MLLT6: variants seen among roughly 807,000 people sequenced by gnomAD.
MLLT6 encodes the protein protein AF-17.
Under a neutral mutation model 103.0 loss-of-function variants are expected in MLLT6, and 22 were observed. The observed-to-expected ratio is 0.21, with a 90% CI of 0.15 to 0.31. The LOEUF is 0.31. MLLT6 is among the 10% of genes least tolerant of loss of function. MLLT6 has a pLI of 1.00. For synonymous variants in MLLT6, 606 were observed against 623.5 expected, an observed-to-expected ratio of 0.97 and a Z score of 0.42; for missense variants, 1,199 against 1,441.7, an observed-to-expected ratio of 0.83 and a Z score of 2.73.
At chr17:38,712,583 A>T in intron 7 of MLLT6, 108 bp from the exon 8 acceptor site, 1 of 741,894 alleles carries the variant, frequency 1.3e-6, no homozygotes, top group Non-Finnish European at 2.4e-6. Context: ...GATGGTGCCC[A>T]CAAAACCCCA....
Position 38,709,166 on chromosome 17 carries a change from C to T in MLLT6, c.355-7C>T, listed in dbSNP as rs1361898541. 2 of 1,608,840 alleles carry T rather than the reference C, an allele frequency of 1.2e-6. No homozygotes were observed. Among genetic ancestry groups the T allele is most frequent in the African/African-American group, 2.7e-5 (2 of 74,746 alleles). ...GGAGGAGGGGACGATTGCGCTGTGT[C>T]CTGCAGACCTGTTACATCTGCGAGG... On this transcript the variant is annotated splice_polypyrimidine_tract_variant and splice_region_variant and intron_variant, in intron 4 of 19. Coordinates refer to ENST00000621332, the MANE Select transcript of MLLT6 (RefSeq NM_005937.4). The surrounding 1 kb of genome is among the most constrained non-coding windows in gnomAD (Gnocchi z 4.3).
rs1325286006 is a variant in MLLT6 at position 38,724,038 on chromosome 17, C to T, written c.2884-582C>T. 1.3e-5 allele frequency among the ~76,000 whole-genome samples: 2 copies of T among 152,012 alleles called. No homozygotes were observed. The highest frequency in any genetic ancestry group is 1.9e-4 in the East Asian group (1 of 5,172). ...GATTATAGGCGTGAGCCACCGTGTCCGGCGAATTGAAAACTATTGACCTAG... is the reference window on the plus strand; with the variant it reads ...GATTATAGGCGTGAGCCACCGTGTCTGGCGAATTGAAAACTATTGACCTAG... On this transcript the variant is annotated intron_variant, in intron 18 of 19. Coordinates refer to ENST00000621332, the MANE Select transcript of MLLT6 (RefSeq NM_005937.4). The surrounding 1 kb of genome is among the most constrained non-coding windows in gnomAD (Gnocchi z 5.4).
rs757361635 is a variant in MLLT6, at chr17:38,705,750, G to A, written c.109+9G>A. The stretch of plus-strand genomic sequence containing the variant: ...CGTGGCCGTCCACCAAGGTACGGGG[G>A]TGGCCCGCGGGGGGCGGCGGGACCC... On this transcript the variant is annotated intron_variant, in intron 1 of 19. Coordinates refer to ENST00000621332, the MANE Select transcript of MLLT6 (RefSeq NM_005937.4). 1.8e-5 allele frequency: 24 copies of A among 1,364,226 alleles called. No individual in the cohort carries two copies. In the South Asian group the frequency reaches 4.3e-4, roughly 24 times the overall value. The allele number at this position is 1,364,226 out of a possible 1,614,324, so 84.5% of individuals were successfully genotyped here. A position where few individuals can be genotyped will look rare whatever the true frequency, so the allele number is the denominator to read the frequency against.
rs1905927657 is a variant in MLLT6 at position 38,724,694 on chromosome 17, TG to T, written c.2963del (p.Gly988AlafsTer40). 1 of 1,613,008 alleles carries T rather than the reference TG, an allele frequency of 6.2e-7. No individual in the cohort carries two copies. Among genetic ancestry groups the T allele is most frequent in the African/African-American group, 1.3e-5 (1 of 74,942 alleles). On this transcript the variant is annotated frameshift_variant, in exon 19 of 20. Transcript: ENST00000621332. LOFTEE classifies it high-confidence loss of function. The surrounding 1 kb of genome is among the most constrained non-coding windows in gnomAD (Gnocchi z 5.4). Reference protein sequence around the residue: ...KRELQRLQMAGGSQLPMASLL... With the variant: ...KRELQRLQMAXGSQLPMASLL... ...GGGAGCTGCAGCGCCTGCAGATGGCTGGGGGCTCCCAGCTGCCCATGGCCAG... is the reference window on the plus strand; with the variant it reads ...GGGAGCTGCAGCGCCTGCAGATGGCTGGGGCTCCCAGCTGCCCATGGCCAG...
rs761526407 is a variant in MLLT6 at position 38,724,739 on chromosome 17, C to T, written c.3003C>T (p.Ser1001=). 38 of 1,610,908 alleles carry T rather than the reference C, an allele frequency of 2.4e-5. No homozygotes were observed. The Middle Eastern group carries it at 8.2e-4, about 35-fold the overall frequency. The change falls in exon 19 of 20, where the codon TCC becomes TCT. Residue 1001 remains serine, a synonymous_variant. Coordinates refer to ENST00000621332, the MANE Select transcript of MLLT6 (RefSeq NM_005937.4). This position sits in a 1 kb window ranked among gnomAD's most constrained non-coding sequence, Gnocchi z 5.4. The part of the protein sequence containing the change: ...LPMASLLAGS[S]TPLLSAGTPG... ...TGGCCAGCCTGCTGGCAGGAAGCTC[C>T]ACCCCGCTGCTGTCTGCGGGTACCC...
chr17:38,727,818 A>C lies in MLLT6; in HGVS notation c.*2220A>C, dbSNP rs1906116636. 4.3e-6 allele frequency: 1 copy of C among 232,042 alleles called. No individual in the cohort carries two copies. The highest frequency in any genetic ancestry group is 8.5e-6 in the Non-Finnish European group (1 of 117,296). 14.4% of individuals were successfully genotyped at this position (232,042 alleles called of 1,614,324 possible). A position where few individuals can be genotyped will look rare whatever the true frequency, so the allele number is the denominator to read the frequency against. On this transcript the variant is annotated 3_prime_UTR_variant, in exon 20 of 20. Transcript: ENST00000621332. The stretch of plus-strand genomic sequence containing the variant: ...TCAAAAGAGAAAAAAAAAGAAAAGT[A>C]ACCTTCAGAGATTCTTAGAAGAGTT...
intron 6 of MLLT6, among the ~76,000 whole-genome samples, chr17:38,711,555 G>T (rs1476965068): frequency 6.6e-6 from 1 of 152,084 alleles, no homozygotes; most frequent in East Asian, 1.9e-4. Context: ...AAAGACCCGG[G>T]CCCCAGTCTC....
Position 38,717,504 on chromosome 17 carries a change from T to C in MLLT6, c.1724T>C (p.Leu575Pro). The change falls in exon 11 of 20, where the codon CTC becomes CCC. Residue 575 changes from leucine (L) to proline (P), a missense_variant. This residue lies in a region of MLLT6 where 1,034 missense variants were observed against 1,091.5 expected (regional missense o/e 0.95). Transcript: ENST00000621332. The part of the protein sequence containing the change: ...GMLRAVCSTP[L>P]SSSLLGPPGT... ...CTGCGGGCTGTCTGCAGCACCCCTC[T>C]CTCCTCCAGCCTCCTGGGGCCCCCA... 6.2e-7 allele frequency: 1 copy of C among 1,613,178 alleles called. No individual in the cohort carries two copies.
At position 38,716,781 on chromosome 17, in the gene MLLT6, G is replaced by C; in HGVS notation, c.1451G>C (p.Ser484Thr). ...SRHGPGRPKG[S>T]RNKEGTGGPA... ...CATGGGCCAGGCCGTCCCAAGGGCA[G>C]CCGGAACAAGGAGGGCACTGGGGGC... The change falls in exon 10 of 20, where the codon AGC (serine) becomes ACC (threonine). Residue 484 changes from serine (S) to threonine (T), a missense_variant. By Grantham distance (58) the Ser-to-Thr change is moderately conservative. This residue lies in a region of MLLT6 where 1,034 missense variants were observed against 1,091.5 expected (regional missense o/e 0.95). Coordinates refer to ENST00000621332, the MANE Select transcript of MLLT6 (RefSeq NM_005937.4). The surrounding 1 kb of genome is among the most constrained non-coding windows in gnomAD (Gnocchi z 5.6). 6.2e-7 allele frequency: 1 copy of C among 1,610,450 alleles called. No homozygotes were observed. The highest frequency in any genetic ancestry group is 8.5e-7 in the Non-Finnish European group (1 of 1,178,454).
At position 38,706,999 on chromosome 17, in the gene MLLT6, A is replaced by G; in HGVS notation, c.159A>G (p.Lys53=). The change falls in exon 2 of 20, where the codon AAA becomes AAG. Residue 53 remains lysine, a synonymous_variant. Transcript: ENST00000621332. Reference sequence around the variant, plus strand: ...CAACGGGACCCTGGTTCTGCCGGAAATGTGAATCTCAGGAGCGAGCAGCCA... The same window carrying G: ...CAACGGGACCCTGGTTCTGCCGGAAGTGTGAATCTCAGGAGCGAGCAGCCA... ...QVPTGPWFCR[K]CESQERAARV... is the part of the protein sequence containing the mutation. 6.2e-7 allele frequency: 1 copy of G among 1,612,668 alleles called. No homozygotes were observed. The highest frequency in any genetic ancestry group is 1.1e-5 in the South Asian group (1 of 91,032).
At chr17:38,720,136 G>A (rs1271131798) in intron 14 of MLLT6, 9 of 696,842 alleles carry the variant, frequency 1.3e-5, no homozygotes, top group African/African-American at 1.3e-4. Context: ...CGCAACTTCC[G>A]CCCTTCTCTC....
At chr17:38,707,193 C>G (rs549537935) in intron 2 of MLLT6, among the ~76,000 whole-genome samples, 164 bp downstream of exon 2, 1 of 152,218 alleles carries the variant, frequency 6.6e-6, no homozygotes, top group African/African-American at 2.4e-5. Flanking sequence ...CTCTGCCTCA[C>G]GCTCATCCCT....
In MLLT6 at chr17:38,711,855, C is replaced by G; in HGVS notation, c.561C>G (p.Ser187=). The G allele has an allele frequency of 4.5e-6, 7 of 1,567,238 alleles. No individual in the cohort carries two copies. Among genetic ancestry groups the G allele is most frequent in the Non-Finnish European group, 6.1e-6 (7 of 1,156,682 alleles). The change falls in exon 7 of 20, where the codon TCC becomes TCG. Residue 187 remains serine (S), a synonymous_variant. Coordinates refer to ENST00000621332, the MANE Select transcript of MLLT6 (RefSeq NM_005937.4). The part of the protein sequence containing the change: ...CKYHFSKMKT[S]RHSSGGGGGG... ...TCAAATCTCTCCCGCAGAAGACATC[C>G]CGGCACAGCAGCGGGGGAGGCGGAG...
At chr17:38,718,032 AT>A in intron 12 of MLLT6, 79 bp downstream of exon 12, 1 of 1,007,920 alleles carries the variant, frequency 9.9e-7, no homozygotes, top group Non-Finnish European at 1.5e-6. Flanking sequence ...CCCAGAAAGA[AT>A]GGGAGAGCTT....
intron 7 of MLLT6, among the ~76,000 whole-genome samples, chr17:38,712,487 G>A (rs1905177797): frequency 6.6e-6 from 1 of 152,150 alleles, no homozygotes; most frequent in African/African-American, 2.4e-5. Context: ...TTTAGCAGGC[G>A]GGGCCGGGGG....
rs1905908916 is a variant in MLLT6 at position 38,724,259 on chromosome 17, A to G, written c.2884-361A>G. The stretch of plus-strand genomic sequence containing the variant: ...TGACAGAGCAAGACTCCGTCTCACA[A>G]AAAGAAAAGAAAAGAAAAGAAAACT... On this transcript the variant is annotated intron_variant, in intron 18 of 19. Coordinates refer to ENST00000621332, the MANE Select transcript of MLLT6 (RefSeq NM_005937.4). This position sits in a 1 kb window ranked among gnomAD's most constrained non-coding sequence, Gnocchi z 5.4. 5.1e-6 allele frequency: 1 copy of G among 195,608 alleles called. No individual in the cohort carries two copies. Among genetic ancestry groups the G allele is most frequent in the Admixed American group, 6.1e-5 (1 of 16,526 alleles). 12.1% of individuals were successfully genotyped at this position (195,608 alleles called of 1,614,324 possible).
Position 38,711,901 on chromosome 17 carries a change from G to A in MLLT6, c.607G>A (p.Gly203Ser), listed in dbSNP as rs769127022. 1.2e-6 allele frequency: 2 copies of A among 1,606,038 alleles called. No individual in the cohort carries two copies. The highest frequency in any genetic ancestry group is 4.5e-5 in the East Asian group (2 of 44,430). ...GGGGGAGGGGGSMGGGGSGFI... is the reference protein window; with the variant it reads ...GGGGGAGGGGSSMGGGGSGFI... ...CGGAGGAGGCGCTGGAGGAGGAGGT[G>A]GCAGCATGGGGGGAGGTGGCAGTGG... is the stretch of plus-strand genomic sequence containing the variant. Residue 203 changes from glycine (G) to serine (S), a missense_variant, in exon 7 of 20, where the codon GGC becomes AGC. By Grantham distance (56) the Gly-to-Ser change is moderately conservative. This residue lies in a region of MLLT6 where 1,034 missense variants were observed against 1,091.5 expected (regional missense o/e 0.95). Coordinates refer to ENST00000621332, the MANE Select transcript of MLLT6 (RefSeq NM_005937.4).
chr17:38,718,370 C>T (rs1002661784), intron 12 of MLLT6: 10 of 161,224 alleles, frequency 6.2e-5, no homozygotes, highest in Non-Finnish European at 1.1e-4. Flanking sequence ...AGCAAAACTC[C>T]GTCTCAAAAC....
At chr17:38,711,188 G>T (rs993969757) in intron 6 of MLLT6, among the ~76,000 whole-genome samples, 23 of 152,124 alleles carry the variant, frequency 1.5e-4, no homozygotes, top group African/African-American at 5.6e-4. Context: ...CCCGGGGAGG[G>T]TGGAGCCATC....
Sources: allele counts gnomAD v4.1 joint callset (sites outside exome capture counted in the v4.1 genomes callset), GRCh38; gene constraint gnomAD v4.1.1; regional missense constraint gnomAD v4.1.1; non-coding constraint Gnocchi (gnomAD v3.1); transcripts MANE v1.5; gene names NCBI Gene and HGNC (gene_info 2026-07-23, HGNC 2026-07-21).